DLGAP1: variants seen among roughly 807,000 people sequenced by gnomAD.
DLGAP1 encodes DLG associated protein 1.
DLGAP1 carries 11 observed loss-of-function variants against 90.8 expected under a neutral mutation model. The observed-to-expected ratio is 0.12, with a 90% confidence interval of 0.08 to 0.20. DLGAP1 has a LOEUF of 0.20. Ranked by LOEUF, DLGAP1 falls within the 10% of genes least tolerant of loss-of-function variation. DLGAP1 has a pLI of 1.00. For missense variants in DLGAP1, 1,050 were observed against 1,333.8 expected (o/e 0.79, Z 3.31); for synonymous variants, 558 against 540.7 (o/e 1.03, Z -0.44).
Position 3,616,066 on chromosome 18 carries a change from G to A in DLGAP1, c.1592-33818C>T, listed in dbSNP as rs191619761. On this transcript the variant is annotated intron_variant, in intron 7 of 12. Transcript: ENST00000315677. The stretch of plus-strand genomic sequence containing the variant: ...AAGGAGAAATGAAATTGTATACTTT[G>A]CCTGTCACAGGCATAGAGTTCTGCT... Among the ~76,000 whole-genome samples, 155 of 152,266 alleles carry A rather than the reference G, an allele frequency of 1.0e-3. 3 individuals are homozygous for A. Among genetic ancestry groups the A allele is most frequent in the Non-Finnish European group, 5.7e-4 (39 of 68,024 alleles).
intron 1 of DLGAP1, among the ~76,000 whole-genome samples, chr18:4,211,677 C>G (rs2077845124): frequency 6.6e-6 from 1 of 152,052 alleles, no homozygotes; most frequent in African/African-American, 2.4e-5. Context: ...GAAAGATCAG[C>G]AATCACTCAA....
At chr18:4,146,758 AT>A (rs2076591656) in intron 2 of DLGAP1, among the ~76,000 whole-genome samples, 1 of 146,650 alleles carries the variant, frequency 6.8e-6, no homozygotes. Flanking sequence ...TCATATTATC[AT>A]CTGTTGTTGT....
intron 7 of DLGAP1, among the ~76,000 whole-genome samples, chr18:3,586,281 C>T (rs976666229): frequency 3.9e-5 from 6 of 152,060 alleles, no homozygotes; most frequent in African/African-American, 1.4e-4. Flanking sequence ...AGGGACATTA[C>T]TCATTATTAT....
chr18:4,334,248 C>T (rs1318158076), intron 1 of DLGAP1, among the ~76,000 whole-genome samples: 1 of 151,610 alleles, frequency 6.6e-6, no homozygotes, highest in East Asian at 1.9e-4. Context: ...AACAAACAAA[C>T]AAACAAACAA....
chr18:3,838,077 G>C (rs1263067399), intron 4 of DLGAP1, among the ~76,000 whole-genome samples: 1 of 152,098 alleles, frequency 6.6e-6, no homozygotes, highest in East Asian at 1.9e-4. Flanking sequence ...AGAAGGCAGA[G>C]ACAATTTTAG....
At position 3,775,243 on chromosome 18, in the gene DLGAP1, C is replaced by A. The variant is rs2064883607; in HGVS notation, c.1173-32731G>T. Among the ~76,000 whole-genome samples the A allele has an allele frequency of 6.6e-6, 1 of 152,240 alleles. No individual in the cohort carries two copies. The highest frequency in any genetic ancestry group is 6.5e-5 in the Admixed American group (1 of 15,290). ...ATTTTGTAACAATTCTCCTTCCATT[C>A]CCCTGTGTTATGCACATCGATATGG... On this transcript the variant is annotated intron_variant, in intron 5 of 12. Coordinates refer to ENST00000315677, the MANE Select transcript of DLGAP1 (RefSeq NM_004746.4). This position sits in a 1 kb window ranked among gnomAD's most constrained non-coding sequence, Gnocchi z 4.9.
At chr18:4,021,156 G>C (rs772655972) in intron 2 of DLGAP1, among the ~76,000 whole-genome samples, 2 of 152,150 alleles carry the variant, frequency 1.3e-5, no homozygotes, top group Non-Finnish European at 2.9e-5. Context: ...TAAAACTCTA[G>C]TCTCCTGTAC....
Position 3,629,409 on chromosome 18 carries a change from A to C in DLGAP1, c.1592-47161T>G, listed in dbSNP as rs12605994. Among the ~76,000 whole-genome samples the C allele has an allele frequency of 6.6e-5, 10 of 151,656 alleles. No homozygotes were observed. In the South Asian group the frequency reaches 8.3e-4, roughly 13 times the overall value. On this transcript the variant is annotated intron_variant, in intron 7 of 12. Coordinates refer to ENST00000315677, the MANE Select transcript of DLGAP1 (RefSeq NM_004746.4). ...AAAATAGGCTGGGCGCGGTGGCTCAACCCTGTAATCCCAGCACTTTGGGAG... is the reference window on the plus strand; with the variant it reads ...AAAATAGGCTGGGCGCGGTGGCTCACCCCTGTAATCCCAGCACTTTGGGAG...
chr18:3,539,799 G>T (rs2052581336), intron 9 of DLGAP1, among the ~76,000 whole-genome samples: 1 of 152,180 alleles, frequency 6.6e-6, no homozygotes, highest in African/African-American at 2.4e-5. Flanking sequence ...CAACTGATGA[G>T]ACTCAAGTCA....
rs997461485 is a variant in DLGAP1, at chr18:4,204,747, G to T, written c.-266-53460C>A. On this transcript the variant is annotated intron_variant, in intron 1 of 12. Transcript: ENST00000315677. ...TGAAGTAAGAGGTAAAAAAAATTCA[G>T]TTTAGAATTGTAAAGGGACATGTTG... Among the ~76,000 whole-genome samples the T allele has an allele frequency of 5.3e-5, 8 of 152,130 alleles. 1 individual carries two copies. Among genetic ancestry groups the T allele is most frequent in the Non-Finnish European group, 1.0e-4 (7 of 68,024 alleles).
At chr18:4,016,739 C>G (rs182337065) in intron 2 of DLGAP1, among the ~76,000 whole-genome samples, 8 of 152,116 alleles carry the variant, frequency 5.3e-5, no homozygotes, top group African/African-American at 1.9e-4. Context: ...CTTCTACCTG[C>G]GAGGCTCCAG....
At chr18:3,590,078 T>A (rs1330396930) in intron 7 of DLGAP1, among the ~76,000 whole-genome samples, 2 of 152,140 alleles carry the variant, frequency 1.3e-5, no homozygotes, top group East Asian at 3.9e-4. Context: ...ACCAGGCTAA[T>A]TTTTTTTATT....
intron 3 of DLGAP1, chr18:3,984,151 T>A (rs1250837873): frequency 6.6e-6 from 1 of 152,190 alleles, no homozygotes; most frequent in Admixed American, 6.5e-5. Context: ...ATCTTAATCA[T>A]TTTTCTTAAT....
rs117969920 is a variant in DLGAP1, at chr18:4,314,106, A to C, written c.-267+140900T>G. On this transcript the variant is annotated intron_variant, in intron 1 of 12. Transcript: ENST00000315677. ...GACCCCCTTCCTCATGCAGATGTAAATGGGACAAAGCCGAGGGACTTGCAT... is the reference window on the plus strand; with the variant it reads ...GACCCCCTTCCTCATGCAGATGTAACTGGGACAAAGCCGAGGGACTTGCAT... Among the ~76,000 whole-genome samples, 833 of 152,332 alleles carry C rather than the reference A, an allele frequency of 5.5e-3. 4 individuals are homozygous for C. The highest frequency in any genetic ancestry group is 9.6e-3 in the Non-Finnish European group (651 of 68,024).
At chr18:3,887,977 G>A (rs910395019) in intron 3 of DLGAP1, among the ~76,000 whole-genome samples, 10 of 151,564 alleles carry the variant, frequency 6.6e-5, no homozygotes, top group Middle Eastern at 3.2e-3. Context: ...GCGTGGTGGC[G>A]GGCGCCTGTA....
At chr18:4,313,765 CA>C (rs2080458416) in intron 1 of DLGAP1, among the ~76,000 whole-genome samples, 1 of 152,160 alleles carries the variant, frequency 6.6e-6, no homozygotes, top group South Asian at 2.1e-4. Context: ...AGTTGAACTT[CA>C]CTACAGATTA....
intron 8 of DLGAP1, among the ~76,000 whole-genome samples, chr18:3,568,651 T>TTATATA: frequency 6.6e-6 from 1 of 152,066 alleles, no homozygotes; most frequent in East Asian, 1.9e-4. Flanking sequence ...TTGTCTATCT[T>TTATATA]TATATATATG....
chr18:4,226,370 C>T (rs568438346), intron 1 of DLGAP1, among the ~76,000 whole-genome samples: 32 of 152,002 alleles, frequency 2.1e-4, no homozygotes, highest in Non-Finnish European at 2.8e-4. Context: ...TCAATGGTAA[C>T]GGTAAATGCA....
At chr18:4,180,335 C>A (rs2077185649) in intron 1 of DLGAP1, among the ~76,000 whole-genome samples, 4 of 152,152 alleles carry the variant, frequency 2.6e-5, no homozygotes, top group Admixed American at 2.6e-4. Flanking sequence ...TTGTCTGGGA[C>A]TTTACTACTT....
Sources: allele counts gnomAD v4.1 joint callset (sites outside exome capture counted in the v4.1 genomes callset), GRCh38; gene constraint gnomAD v4.1.1; non-coding constraint Gnocchi (gnomAD v3.1); transcripts MANE v1.5; gene names NCBI Gene and HGNC (gene_info 2026-07-23, HGNC 2026-07-21).